Variants in DMD observed in about 807,000 individuals in gnomAD.
DMD encodes mutant dystrophin.
Under a neutral mutation model 330.1 loss-of-function variants are expected in DMD, and 63 were observed. The observed-to-expected ratio is 0.19, with a 90% CI of 0.16 to 0.24. The LOEUF (loss-of-function observed/expected upper bound fraction) is 0.24. DMD is among the 10% of genes least tolerant of loss of function. DMD has a pLI of 1.00. For synonymous variants in DMD, 1,223 were observed against 959.8 expected, an observed-to-expected ratio of 1.27 and a Z score of -5.07; for missense variants, 3,344 against 2,684.1, an observed-to-expected ratio of 1.25 and a Z score of -5.43.
intron 55 of DMD, among the ~76,000 whole-genome samples, chrX:31,544,462 A>AGAC (rs1437568752): frequency 5.4e-5 from 6 of 110,916 alleles, no homozygotes; most frequent in African/African-American, 2.0e-4. Context: ...GCAGGTCATG[A>AGAC]GACTATCATA....
intron 2 of DMD, among the ~76,000 whole-genome samples, chrX:32,975,396 C>A (rs914242888): frequency 2.2e-5 from 2 of 91,679 alleles, no homozygotes; most frequent in Admixed American, 1.4e-4. Flanking sequence ...AGACAGTAAG[C>A]CAGCTCCTGG....
chrX:32,398,469 T>A (rs1002829815), intron 30 of DMD, among the ~76,000 whole-genome samples: 24 of 110,880 alleles, frequency 2.2e-4, no homozygotes, highest in African/African-American at 7.8e-4. Context: ...TGGCTTCTTA[T>A]CAAATTTAGG....
intron 5 of DMD, among the ~76,000 whole-genome samples, chrX:32,822,627 A>G (rs1438190328): frequency 9.1e-6 from 1 of 109,645 alleles, no homozygotes; most frequent in African/African-American, 3.3e-5. Context: ...TGTGGATATG[A>G]GTGTGTGTAT....
intron 60 of DMD, among the ~76,000 whole-genome samples, chrX:31,373,147 C>A (rs1274397439): frequency 1.9e-5 from 2 of 106,697 alleles, no homozygotes; most frequent in Non-Finnish European, 3.9e-5. Flanking sequence ...GAACTACAAA[C>A]CACTGCTCAA....
intron 60 of DMD, among the ~76,000 whole-genome samples, chrX:31,366,069 T>C (rs1481415484): frequency 2.7e-5 from 3 of 112,173 alleles, no homozygotes; most frequent in Non-Finnish European, 5.6e-5. Flanking sequence ...GCAGGCACTC[T>C]GTTAAGAAGT....
intron 1 of DMD, among the ~76,000 whole-genome samples, chrX:33,149,718 C>T (rs1312051258): frequency 9.0e-6 from 1 of 111,264 alleles, no homozygotes; most frequent in South Asian, 3.8e-4. Flanking sequence ...GTCTCCCTGT[C>T]GTCTCCACCA....
At chrX:32,369,360 T>A (rs1259560430) in intron 34 of DMD, among the ~76,000 whole-genome samples, 2 of 111,588 alleles carry the variant, frequency 1.8e-5, no homozygotes, top group South Asian at 3.7e-4. Context: ...ACATTCTGAT[T>A]CATTCCCCAT....
chrX:32,091,758 T>G (rs912206881), intron 44 of DMD, among the ~76,000 whole-genome samples: 1 of 111,680 alleles, frequency 9.0e-6, no homozygotes, highest in Non-Finnish European at 1.9e-5. Context: ...AAAATATTAT[T>G]CACATACTAA....
In DMD at chrX:32,448,554, G is replaced by A. The variant is rs886042862; in HGVS notation, c.3688C>T (p.Pro1230Ser). The change falls in exon 27 of 79, where the codon CCT (proline) becomes TCT (serine). Residue 1230 changes from proline (P) to serine (S), a missense_variant. By Grantham distance (74) the Pro-to-Ser change is moderately conservative (BLOSUM62 -1). Transcript: ENST00000357033. ...TTTTTTAAGGCCTCTTGTGCTACAGGTGGAGCTTGAGCTATGACACTATTT... is the reference window on the plus strand; with the variant it reads ...TTTTTTAAGGCCTCTTGTGCTACAGATGGAGCTTGAGCTATGACACTATTT... ...SVNSVIAQAP[P>S]VAQEALKKEL... 12 of 1,208,597 alleles carry A rather than the reference G, an allele frequency of 9.9e-6. No individual in the cohort carries two copies. The highest frequency in any genetic ancestry group is 1.3e-5 in the Non-Finnish European group (12 of 893,180).
At chrX:31,522,802 G>T (rs968176153) in intron 55 of DMD, among the ~76,000 whole-genome samples, 1 of 111,454 alleles carries the variant, frequency 9.0e-6, no homozygotes, top group Non-Finnish European at 1.9e-5. Flanking sequence ...GTGGAAGGGA[G>T]AGTGGTGTTG....
At chrX:31,582,651 T>A (rs1156676761) in intron 55 of DMD, among the ~76,000 whole-genome samples, 2 of 111,652 alleles carry the variant, frequency 1.8e-5, no homozygotes, top group Non-Finnish European at 3.8e-5. Flanking sequence ...TTTATGTACC[T>A]TACTCTCTGT....
intron 1 of DMD, among the ~76,000 whole-genome samples, chrX:33,144,769 C>T (rs754358853): frequency 9.0e-6 from 1 of 111,320 alleles, no homozygotes; most frequent in East Asian, 2.8e-4. Context: ...TAGATGCACA[C>T]GCTCGCTACC....
At chrX:31,853,701 T>C (rs1292150934) in intron 48 of DMD, among the ~76,000 whole-genome samples, 4 of 111,046 alleles carry the variant, frequency 3.6e-5, no homozygotes, top group Admixed American at 1.9e-4. Flanking sequence ...GCAGGCAACA[T>C]TGCTTCAGAT....
At chrX:32,198,979 TTTCTC>T (rs1231301383) in intron 44 of DMD, among the ~76,000 whole-genome samples, 1 of 112,548 alleles carries the variant, frequency 8.9e-6, no homozygotes, top group Non-Finnish European at 1.9e-5. Flanking sequence ...TGTTTTTCCT[TTTCTC>T]TTCCATCAGC....
rs2054188215 is a variant in DMD, at chrX:33,332,116, G to A, written c.7+7143C>T. ...TTTTCATTTAATTTAAAGATAGTGT[G>A]AACAGGTACTGAAGACACTGTCTTA... is the stretch of plus-strand genomic sequence containing the variant. On this transcript the variant is annotated intron_variant, in intron 1 of 17. Coordinates refer to the DMD transcript ENST00000288447. Among the ~76,000 whole-genome samples the A allele has an allele frequency of 2.7e-5, 3 of 111,507 alleles. 1 individual carries two copies. The Admixed American group carries it at 2.9e-4, about 11-fold the overall frequency.
intron 18 of DMD, among the ~76,000 whole-genome samples, chrX:32,509,699 A>G (rs2045075793): frequency 9.0e-6 from 1 of 111,558 alleles, no homozygotes; most frequent in African/African-American, 3.3e-5. Context: ...TTCTTCTTAG[A>G]AGTATTTGCT....
intron 7 of DMD, among the ~76,000 whole-genome samples, chrX:32,774,583 TGGCAGGAGGG>T (rs1376758628): frequency 9.0e-6 from 1 of 111,070 alleles, no homozygotes; most frequent in Non-Finnish European, 1.9e-5. Flanking sequence ...CTTCACTAGG[TGGCAGGAGGG>T]GGCAGGGAAC....
chrX:33,266,173 T>A (rs919122537), intron 1 of DMD, among the ~76,000 whole-genome samples: 4 of 111,718 alleles, frequency 3.6e-5, no homozygotes, highest in African/African-American at 9.7e-5. Context: ...TTTCCTCTTT[T>A]GAGAAAAATA....
chrX:31,593,052 T>C (rs780517316), intron 55 of DMD, among the ~76,000 whole-genome samples: 6 of 111,119 alleles, frequency 5.4e-5, no homozygotes, highest in Non-Finnish European at 9.5e-5. Flanking sequence ...ATTTAGAGCA[T>C]TGGTTACTCA....
Sources: allele counts gnomAD v4.1 joint callset (sites outside exome capture counted in the v4.1 genomes callset), GRCh38; gene constraint gnomAD v4.1.1; transcripts MANE v1.5; gene names NCBI Gene and HGNC (gene_info 2026-07-23, HGNC 2026-07-21).